TBC1D16: variants seen among roughly 807,000 people sequenced by gnomAD.
TBC1D16 encodes CTD-2529O21.1.
A neutral mutation model predicts 74.7 loss-of-function variants in TBC1D16; 58 were observed. The ratio of observed to expected loss-of-function variants is 0.78; its 90% CI spans 0.63 to 0.97. The LOEUF (loss-of-function observed/expected upper bound fraction) is 0.97. Among genes scored for constraint, TBC1D16 ranks in the 50% least tolerant of loss-of-function variants. The pLI, the probability that TBC1D16 is intolerant of heterozygous loss-of-function variation, is 0.00. For missense variants in TBC1D16, 1,014 were observed against 1,079.5 expected, an observed-to-expected ratio of 0.94 and a Z score of 0.85; for synonymous variants, 493 against 474.7, an observed-to-expected ratio of 1.04 and a Z score of -0.50.
intron 3 of TBC1D16, among the ~76,000 whole-genome samples, chr17:79,962,934 A>G (rs879482316): frequency 4.6e-5 from 7 of 151,764 alleles, no homozygotes; most frequent in Non-Finnish European, 1.0e-4. Flanking sequence ...TGGTGGCATG[A>G]GCCTGTAATC....
intron 4 of TBC1D16, 96 bp from the exon 5 acceptor site, chr17:79,951,693 C>T: frequency 2.1e-6 from 3 of 1,437,042 alleles, no homozygotes; most frequent in South Asian, 1.3e-5. Context: ...TGTCGCCAAC[C>T]TCAGAAGCAG....
intron 1 of TBC1D16, among the ~76,000 whole-genome samples, chr17:80,023,660 C>CCA (rs1231713528): frequency 3.5e-5 from 5 of 144,374 alleles, no homozygotes; most frequent in Non-Finnish European, 6.0e-5. Flanking sequence ...CTGCCGGGCC[C>CCA]CCCCCCACCG....
chr17:79,956,023 C>T lies in TBC1D16; in HGVS notation c.780-3205G>A, dbSNP rs1477779466. 6.6e-6 allele frequency among the ~76,000 whole-genome samples: 1 copy of T among 152,194 alleles called. No homozygotes were observed. Among genetic ancestry groups the T allele is most frequent in the East Asian group, 1.9e-4 (1 of 5,200 alleles). Reference sequence around the variant, plus strand: ...GCCTAGGCAGCCCCTCACTCTTCCTCTTGGCACAGTGCAGGCAAGACAGAC... The same window carrying T: ...GCCTAGGCAGCCCCTCACTCTTCCTTTTGGCACAGTGCAGGCAAGACAGAC... On this transcript the variant is annotated intron_variant, in intron 3 of 11. Transcript: ENST00000310924. This position sits in a 1 kb window ranked among gnomAD's most constrained non-coding sequence, Gnocchi z 4.0.
intron 1 of TBC1D16, among the ~76,000 whole-genome samples, chr17:80,034,915 T>C (rs1479278376): frequency 2.0e-5 from 3 of 152,208 alleles, no homozygotes; most frequent in Non-Finnish European, 2.9e-5. Context: ...AGCCTTCTGG[T>C]AGAAAAGAAA....
chr17:80,014,152 T>C (rs1222658341), intron 1 of TBC1D16, among the ~76,000 whole-genome samples: 3 of 151,906 alleles, frequency 2.0e-5, no homozygotes, highest in East Asian at 1.9e-4. Flanking sequence ...AGGTAAGGGG[T>C]TCGAGACCAG....
intron 3 of TBC1D16, among the ~76,000 whole-genome samples, chr17:79,962,683 C>T (rs1352700183): frequency 6.6e-6 from 1 of 151,894 alleles, no homozygotes. Flanking sequence ...CCTGTAATTC[C>T]AGCACTTTGG....
intron 1 of TBC1D16, among the ~76,000 whole-genome samples, chr17:80,025,098 C>CAAA (rs1568649868): frequency 1.3e-5 from 1 of 77,034 alleles, no homozygotes; most frequent in Non-Finnish European, 2.5e-5. Context: ...CACACACACA[C>CAAA]CATATACACA....
chr17:80,005,464 G>A (rs575163597), intron 3 of TBC1D16, among the ~76,000 whole-genome samples: 382 of 152,288 alleles, frequency 2.5e-3, no homozygotes, highest in South Asian at 4.8e-3. Context: ...GACCAGTCGC[G>A]CTTGGTGGTC....
At chr17:79,946,899 G>A (rs891439604) in intron 9 of TBC1D16, among the ~76,000 whole-genome samples, 5 of 152,328 alleles carry the variant, frequency 3.3e-5, no homozygotes, top group African/African-American at 7.2e-5. Flanking sequence ...GACACCCAGC[G>A]TCCTCTGCTC....
Position 80,008,725 on chromosome 17 carries a change from G to A in TBC1D16, c.779+1435C>T, listed in dbSNP as rs990483387. Among the ~76,000 whole-genome samples, 1 of 152,180 alleles carries A rather than the reference G, an allele frequency of 6.6e-6. No individual in the cohort carries two copies. Among genetic ancestry groups the A allele is most frequent in the Non-Finnish European group, 1.5e-5 (1 of 68,036 alleles). On this transcript the variant is annotated intron_variant, in intron 3 of 11. Coordinates refer to ENST00000310924, the MANE Select transcript of TBC1D16 (RefSeq NM_019020.4). This position sits in a 1 kb window ranked among gnomAD's most constrained non-coding sequence, Gnocchi z 4.5. The stretch of plus-strand genomic sequence containing the variant: ...CCTGGCACCTGGAGTCCTCAGTTAC[G>A]GCTCACGGCTTCCTTTTATCTGCAC...
chr17:79,948,656 G>A (rs1378785484), intron 8 of TBC1D16, among the ~76,000 whole-genome samples: 1 of 152,124 alleles, frequency 6.6e-6, no homozygotes, highest in Admixed American at 6.5e-5. Context: ...GGGCTCTGTG[G>A]GCAGGGACCT....
Position 79,949,793 on chromosome 17 carries a change from G to A in TBC1D16, c.1330C>T (p.His444Tyr). 6.2e-7 allele frequency: 1 copy of A among 1,613,804 alleles called. No homozygotes were observed. Among genetic ancestry groups the A allele is most frequent in the Non-Finnish European group, 8.5e-7 (1 of 1,179,972 alleles). Reference protein sequence around the residue: ...VWPFLLRYYSHESTSEEREAL... With the variant: ...VWPFLLRYYSYESTSEEREAL... ...TCCCGCTCCTCCGACGTGGACTCGT[G>A]GCTGTAATAGCGCAGCAGGAAGGGC... The change falls in exon 7 of 12, where the codon CAC (histidine) becomes TAC (tyrosine). Residue 444 changes from histidine to tyrosine, a missense_variant. Transcript: ENST00000310924.
At chr17:79,997,351 CT>C (rs371287804) in intron 3 of TBC1D16, among the ~76,000 whole-genome samples, 2,551 of 142,640 alleles carry the variant, frequency 0.018, 45 homozygotes, top group East Asian at 0.071. Flanking sequence ...CCTCCCGGTA[CT>C]TTTTTTTTTT....
chr17:79,951,411 G>C (rs758464616), intron 5 of TBC1D16, 39 bp downstream of exon 5: 1 of 1,602,770 alleles, frequency 6.2e-7, no homozygotes, highest in East Asian at 2.2e-5. Context: ...GGTGGGGAGT[G>C]TCAACCGCTG....
At chr17:80,012,214 C>T (rs971332827) in intron 2 of TBC1D16, among the ~76,000 whole-genome samples, 1 of 152,088 alleles carries the variant, frequency 6.6e-6, no homozygotes, top group East Asian at 1.9e-4. Context: ...ATTAGGATAA[C>T]ATGAGCCTGA....
In TBC1D16 at chr17:79,950,883, G is replaced by C; in HGVS notation, c.1090-305C>G. The C allele has an allele frequency of 6.7e-7, 1 of 1,485,410 alleles. No homozygotes were observed. The highest frequency in any genetic ancestry group is 1.3e-5 in the South Asian group (1 of 78,138). 92.0% of individuals were successfully genotyped at this position (1,485,410 alleles called of 1,614,324 possible). On this transcript the variant is annotated intron_variant, in intron 5 of 11. Coordinates refer to ENST00000310924, the MANE Select transcript of TBC1D16 (RefSeq NM_019020.4). This position sits in a 1 kb window ranked among gnomAD's most constrained non-coding sequence, Gnocchi z 4.6. ...GCCTCGTTCGGCCTAACTTCCCTCT[G>C]CCGGGAGGGCCTGCAATGAATTACA...
At chr17:79,998,532 T>G (rs1014727923) in intron 3 of TBC1D16, among the ~76,000 whole-genome samples, 1 of 148,936 alleles carries the variant, frequency 6.7e-6, no homozygotes, top group African/African-American at 2.5e-5. Flanking sequence ...TTTTTTTTTT[T>G]GTAGAGACAA....
At chr17:79,942,722 A>G (rs565762431) in intron 10 of TBC1D16, among the ~76,000 whole-genome samples, 16 of 152,260 alleles carry the variant, frequency 1.1e-4, no homozygotes, top group African/African-American at 3.8e-4. Context: ...CACACCCCCC[A>G]ATCATGCCCC....
chr17:80,019,076 T>C (rs950753098), intron 1 of TBC1D16, among the ~76,000 whole-genome samples: 2 of 150,182 alleles, frequency 1.3e-5, no homozygotes, highest in Non-Finnish European at 2.9e-5. Flanking sequence ...CTACTCAGTG[T>C]GATCGCTCCA....
Sources: allele counts gnomAD v4.1 joint callset (sites outside exome capture counted in the v4.1 genomes callset), GRCh38; gene constraint gnomAD v4.1.1; non-coding constraint Gnocchi (gnomAD v3.1); transcripts MANE v1.5; gene names NCBI Gene and HGNC (gene_info 2026-07-23, HGNC 2026-07-21).